Variants in TET3 observed in about 807,000 individuals in gnomAD.
The protein encoded by TET3 is methylcytosine dioxygenase TET3.
TET3 carries 19 observed loss-of-function variants against 141.4 expected under a neutral mutation model. The ratio of observed to expected loss-of-function variants is 0.13; its 90% CI spans 0.09 to 0.20. TET3 has a LOEUF of 0.20. TET3 is among the 10% of genes least tolerant of loss of function. The pLI, the probability that TET3 is intolerant of heterozygous loss-of-function variation, is 1.00. For synonymous variants in TET3, 1,043 were observed against 980.9 expected, an observed-to-expected ratio of 1.06 and a Z score of -1.18; for missense variants, 1,874 against 2,356.9, an observed-to-expected ratio of 0.80 and a Z score of 4.24.
At chr2:74,036,480 A>G (rs1296248844) in intron 3 of TET3, among the ~76,000 whole-genome samples, 1 of 152,212 alleles carries the variant, frequency 6.6e-6, no homozygotes, top group Non-Finnish European at 1.5e-5. Context: ...AGGGAAAATC[A>G]TTGGCACATG....
At chr2:74,000,173 C>T (rs1050942395) in intron 2 of TET3, among the ~76,000 whole-genome samples, 6 of 152,112 alleles carry the variant, frequency 3.9e-5, no homozygotes, top group South Asian at 2.1e-4. Context: ...CCCAGGACAG[C>T]GGGTGTCTCT....
intron 4 of TET3, among the ~76,000 whole-genome samples, chr2:74,062,205 G>A (rs1259252619): frequency 3.3e-5 from 5 of 152,244 alleles, no homozygotes; most frequent in African/African-American, 4.8e-5. Flanking sequence ...GATCACTCGC[G>A]GTTAGGAGCT....
chr2:74,025,776 G>A (rs1253951149), intron 3 of TET3, among the ~76,000 whole-genome samples: 1 of 152,032 alleles, frequency 6.6e-6, no homozygotes, highest in Non-Finnish European at 1.5e-5. Flanking sequence ...CCTTTAATCT[G>A]GAGCAGATTC....
intron 5 of TET3, among the ~76,000 whole-genome samples, chr2:74,074,487 C>G (rs1342790012): frequency 6.6e-6 from 1 of 152,192 alleles, no homozygotes; most frequent in African/African-American, 2.4e-5. Context: ...TTGAGCAGTT[C>G]ATGCAGATGG....
the TET3 span, among the ~76,000 whole-genome samples, chr2:74,127,973 T>C: frequency 9.2e-5 from 14 of 152,308 alleles, no homozygotes; most frequent in South Asian, 4.1e-4. Flanking sequence ...GTCAAAATAT[T>C]GTTTGTTTTC....
intron 3 of TET3, among the ~76,000 whole-genome samples, chr2:74,038,878 C>G (rs1687201046): frequency 6.6e-6 from 1 of 152,196 alleles, no homozygotes; most frequent in African/African-American, 2.4e-5. Context: ...GTGGAAAGGA[C>G]TGGTCAAGGA....
intron 4 of TET3, among the ~76,000 whole-genome samples, chr2:74,070,829 G>T (rs1213964327): frequency 2.0e-5 from 3 of 152,064 alleles, no homozygotes; most frequent in Non-Finnish European, 4.4e-5. Flanking sequence ...AGAAAAATTT[G>T]CCAGGCATGG....
At chr2:74,065,696 T>G (rs1688858743) in intron 4 of TET3, among the ~76,000 whole-genome samples, 1 of 151,566 alleles carries the variant, frequency 6.6e-6, no homozygotes, top group Non-Finnish European at 1.5e-5. Flanking sequence ...TTCTTCTTTC[T>G]TTTTCTTTCT....
chr2:74,069,192 G>T (rs1190526650), intron 4 of TET3, among the ~76,000 whole-genome samples: 1 of 151,412 alleles, frequency 6.6e-6, no homozygotes, highest in East Asian at 1.9e-4. Flanking sequence ...TGGATTTGGG[G>T]GATAAGGTAT....
chr2:74,108,628 G>A (rs902201746), downstream of TET3, among the ~76,000 whole-genome samples: 1 of 152,208 alleles, frequency 6.6e-6, no homozygotes, highest in Non-Finnish European at 1.5e-5. Context: ...ACCAGCGGCA[G>A]AGGTTTCCCG....
At chr2:74,052,478 G>A (rs1355866320) in intron 4 of TET3, among the ~76,000 whole-genome samples, 1 of 151,226 alleles carries the variant, frequency 6.6e-6, no homozygotes, top group Non-Finnish European at 1.5e-5. Flanking sequence ...GGTGAAATAT[G>A]GAGACTCCAT....
chr2:74,131,985 A>G, the TET3 span, among the ~76,000 whole-genome samples: 1 of 152,056 alleles, frequency 6.6e-6, no homozygotes, highest in East Asian at 1.9e-4. Flanking sequence ...AAGCCCGAAG[A>G]GTTCTCTGGT....
rs1413592799 is a variant in TET3, at chr2:74,103,126, T to G, written c.*950T>G. On this transcript the variant is annotated 3_prime_UTR_variant, in exon 12 of 12. Transcript: ENST00000409262. ...GTTGCCAAGCCAATGCATGCTGAGC[T>G]GAAGGAATTTGTCTTAGTGGCAGTT... 1.3e-5 allele frequency: 2 copies of G among 152,234 alleles called. No individual in the cohort carries two copies. The highest frequency in any genetic ancestry group is 2.4e-5 in the African/African-American group (1 of 41,434). 9.4% of individuals were successfully genotyped at this position (152,234 alleles called of 1,614,324 possible). A position where few individuals can be genotyped will look rare whatever the true frequency, so the allele number is the denominator to read the frequency against.
At chr2:74,113,503 A>G in the TET3 span, among the ~76,000 whole-genome samples, 3 of 152,210 alleles carry the variant, frequency 2.0e-5, no homozygotes, top group African/African-American at 7.2e-5. Context: ...AGGAAGTCAA[A>G]TTGTCCCTGT....
chr2:74,117,333 T>C, the TET3 span, among the ~76,000 whole-genome samples: 4 of 152,236 alleles, frequency 2.6e-5, no homozygotes, highest in African/African-American at 9.6e-5. Flanking sequence ...TGCTTCAGCC[T>C]CCCAAAGTGC....
chr2:74,060,971 CCT>C (rs1688485037), intron 4 of TET3, among the ~76,000 whole-genome samples: 1 of 152,184 alleles, frequency 6.6e-6, no homozygotes. Context: ...ACCTTTCCCC[CCT>C]TTCTATTCCA....
the TET3 span, among the ~76,000 whole-genome samples, chr2:74,125,522 T>G: frequency 1.3e-5 from 2 of 152,214 alleles, no homozygotes; most frequent in Non-Finnish European, 2.9e-5. Context: ...AATTTACAAC[T>G]GTGTCATTTG....
chr2:74,006,748 A>G (rs577062694), intron 3 of TET3, among the ~76,000 whole-genome samples: 1 of 152,222 alleles, frequency 6.6e-6, no homozygotes, highest in East Asian at 1.9e-4. Context: ...CAATCCTCTT[A>G]AGTCCTCTTT....
intron 3 of TET3, among the ~76,000 whole-genome samples, chr2:74,033,013 T>C (rs1686838134): frequency 6.6e-6 from 1 of 152,218 alleles, no homozygotes; most frequent in Non-Finnish European, 1.5e-5. Flanking sequence ...TTCTGCATTA[T>C]GTGTGATCTG....
Sources: allele counts gnomAD v4.1 joint callset (sites outside exome capture counted in the v4.1 genomes callset), GRCh38; gene constraint gnomAD v4.1.1; transcripts MANE v1.5; gene names NCBI Gene and HGNC (gene_info 2026-07-23, HGNC 2026-07-21).